NRXN3: variants seen among roughly 807,000 people sequenced by gnomAD.
NRXN3 encodes neurexin 3.
A neutral mutation model predicts 137.6 loss-of-function variants in NRXN3; 32 were observed. That is an observed-to-expected ratio of 0.23 (90% CI 0.18 to 0.31). NRXN3 has a LOEUF of 0.31. Among genes scored for constraint, NRXN3 ranks in the 10% least tolerant of loss-of-function variants. The pLI, the probability that NRXN3 is intolerant of heterozygous loss-of-function variation, is 1.00. For synonymous variants in NRXN3, 798 were observed against 784.5 expected, an observed-to-expected ratio of 1.02 and a Z score of -0.29; for missense variants, 1,574 against 2,062.5, an observed-to-expected ratio of 0.76 and a Z score of 4.59.
intron 4 of NRXN3, among the ~76,000 whole-genome samples, chr14:78,394,970 G>A (rs193256767): frequency 2.4e-4 from 37 of 151,902 alleles, no homozygotes; most frequent in Admixed American, 1.2e-3. Flanking sequence ...AACTTTGTCA[G>A]TCTTGCAAGA....
intron 19 of NRXN3, among the ~76,000 whole-genome samples, chr14:79,765,749 G>T (rs1039536656): frequency 6.6e-6 from 1 of 152,168 alleles, no homozygotes; most frequent in Non-Finnish European, 1.5e-5. Context: ...GCCCCGTGCA[G>T]GGTCATTCTG....
intron 4 of NRXN3, among the ~76,000 whole-genome samples, chr14:78,465,389 T>C (rs1239513633): frequency 6.6e-6 from 1 of 152,172 alleles, no homozygotes; most frequent in African/African-American, 2.4e-5. Context: ...TAAAATGTCA[T>C]AATCTAGCAA....
chr14:78,978,859 T>C (rs1046868434), intron 14 of NRXN3, among the ~76,000 whole-genome samples: 4 of 151,432 alleles, frequency 2.6e-5, no homozygotes, highest in Non-Finnish European at 4.4e-5. Context: ...CAGTCCGCTG[T>C]CTGTATGCTG....
chr14:79,077,493 C>A (rs2046176104), intron 15 of NRXN3, among the ~76,000 whole-genome samples: 1 of 152,118 alleles, frequency 6.6e-6, no homozygotes. Context: ...TAATAAATTA[C>A]TATCCTTGTT....
chr14:78,593,404 G>A (rs947223864), intron 4 of NRXN3, among the ~76,000 whole-genome samples: 5 of 152,176 alleles, frequency 3.3e-5, no homozygotes, highest in Non-Finnish European at 1.5e-5. Flanking sequence ...ACAGGGGCAG[G>A]ATGTCTCTGC....
At chr14:78,917,830 C>T (rs1332559980) in intron 10 of NRXN3, among the ~76,000 whole-genome samples, 2 of 152,070 alleles carry the variant, frequency 1.3e-5, no homozygotes, top group Admixed American at 1.3e-4. Flanking sequence ...GGGCCTCCAC[C>T]TGACTTGGTG....
intron 19 of NRXN3, among the ~76,000 whole-genome samples, chr14:79,773,640 AG>A (rs2099086994): frequency 1.8e-5 from 1 of 56,114 alleles, no homozygotes; most frequent in African/African-American, 7.3e-5. Context: ...GGGTGGGGGG[AG>A]GGGGGAGGGA....
intron 19 of NRXN3, among the ~76,000 whole-genome samples, chr14:79,773,636 G>A (rs866549632): frequency 5.5e-4 from 61 of 111,344 alleles, no homozygotes; most frequent in African/African-American, 2.0e-3. Context: ...TTTGGGGTGG[G>A]GGGAGGGGGG....
At chr14:79,847,829 C>A (rs1034850086) in intron 20 of NRXN3, among the ~76,000 whole-genome samples, 4 of 151,416 alleles carry the variant, frequency 2.6e-5, no homozygotes, top group African/African-American at 9.7e-5. Context: ...CGTGTTGATA[C>A]TGGTTAAGAT....
chr14:79,368,235 T>C (rs1333725936), intron 15 of NRXN3, among the ~76,000 whole-genome samples: 1 of 152,178 alleles, frequency 6.6e-6, no homozygotes, highest in Non-Finnish European at 1.5e-5. Context: ...CATGTGGCTA[T>C]GGAATGAGAA....
chr14:78,791,166 C>T (rs2098804026), intron 8 of NRXN3, among the ~76,000 whole-genome samples: 1 of 152,126 alleles, frequency 6.6e-6, no homozygotes, highest in African/African-American at 2.4e-5. Flanking sequence ...ACAACATATG[C>T]ACTGGTAAGA....
At chr14:79,855,599 AATT>A (rs1461524211) in intron 20 of NRXN3, among the ~76,000 whole-genome samples, 1 of 152,070 alleles carries the variant, frequency 6.6e-6, no homozygotes, top group African/African-American at 2.4e-5. Flanking sequence ...TTGAATTATA[AATT>A]ATTTCTTATA....
chr14:78,813,249 T>G (rs2098920171), intron 10 of NRXN3, among the ~76,000 whole-genome samples: 1 of 152,190 alleles, frequency 6.6e-6, no homozygotes, highest in African/African-American at 2.4e-5. Flanking sequence ...GCAATTAAAT[T>G]TGGAGAGAAA....
intron 15 of NRXN3, among the ~76,000 whole-genome samples, chr14:79,104,774 A>G (rs2052054717): frequency 1.3e-5 from 2 of 151,130 alleles, no homozygotes; most frequent in Admixed American, 1.3e-4. Context: ...TCCCCCAGTT[A>G]TCACATCCTA....
Position 79,154,731 on chromosome 14 carries a change from C to G in NRXN3, c.3262+166590C>G, listed in dbSNP as rs557528592. ...ACGATTCAAAGGAGCAATTCAGGCA[C>G]AAGCTGTGTAAAGGTTACAGAACAC... On this transcript the variant is annotated intron_variant, in intron 15 of 20. Transcript: ENST00000335750. Among the ~76,000 whole-genome samples, 4 of 151,982 alleles carry G rather than the reference C, an allele frequency of 2.6e-5. No individual in the cohort carries two copies. In the South Asian group the frequency reaches 8.3e-4, roughly 31 times the overall value.
chr14:79,268,487 A>G (rs1300360120), intron 15 of NRXN3, among the ~76,000 whole-genome samples: 2 of 151,836 alleles, frequency 1.3e-5, no homozygotes, highest in African/African-American at 2.4e-5. Flanking sequence ...ACATTGGGCA[A>G]CCTATCAGTT....
chr14:78,207,829 G>C (rs534580105), intron 1 of NRXN3, among the ~76,000 whole-genome samples: 3 of 152,252 alleles, frequency 2.0e-5, no homozygotes, highest in Admixed American at 2.0e-4. Flanking sequence ...TGCCTTCTTG[G>C]GGGGTCTTCC....
chr14:78,301,770 C>T (rs61976020), intron 4 of NRXN3, among the ~76,000 whole-genome samples: 4,548 of 152,238 alleles, frequency 0.03, 83 homozygotes, highest in African/African-American at 0.047. Flanking sequence ...AGATGGCTAT[C>T]GCTTATTTGA....
At chr14:79,349,125 G>A (rs190951124) in intron 15 of NRXN3, among the ~76,000 whole-genome samples, 82 of 152,218 alleles carry the variant, frequency 5.4e-4, no homozygotes, top group Admixed American at 1.8e-3. Context: ...AGTACACATA[G>A]AACTTTTCTA....
Sources: allele counts gnomAD v4.1 joint callset (sites outside exome capture counted in the v4.1 genomes callset), GRCh38; gene constraint gnomAD v4.1.1; transcripts MANE v1.5; gene names NCBI Gene and HGNC (gene_info 2026-07-23, HGNC 2026-07-21).